GALNT13: variants seen among roughly 807,000 people sequenced by gnomAD.
GALNT13 encodes UDP-GalNAc:polypeptide N-acetylgalactosaminyltransferase 13.
A neutral mutation model predicts 64.2 loss-of-function variants in GALNT13; 28 were observed. The ratio of observed to expected loss-of-function variants is 0.44; its 90% CI spans 0.32 to 0.60. The LOEUF (loss-of-function observed/expected upper bound fraction) is 0.60, where lower values mean the gene tolerates loss of function less well. GALNT13 is among the 20% of genes least tolerant of loss of function. GALNT13 has a pLI of 0.05. For synonymous variants in GALNT13, 214 were observed against 224.6 expected (o/e 0.95, Z 0.42); for missense variants, 577 against 669.8 (o/e 0.86, Z 1.53).
the GALNT13 span, among the ~76,000 whole-genome samples, chr2:153,268,112 A>G: frequency 6.6e-6 from 1 of 152,174 alleles, no homozygotes; most frequent in Non-Finnish European, 1.5e-5. Context: ...TCATTCCAGC[A>G]TTACCCAAAA....
chr2:153,686,390 T>G, the GALNT13 span, among the ~76,000 whole-genome samples: 1 of 152,038 alleles, frequency 6.6e-6, no homozygotes, highest in African/African-American at 2.4e-5. Flanking sequence ...TCCTAGGTAT[T>G]TTATTATTTT....
the GALNT13 span, among the ~76,000 whole-genome samples, chr2:153,783,787 C>A: frequency 3.5e-4 from 54 of 152,262 alleles, no homozygotes; most frequent in African/African-American, 1.0e-3. Context: ...CATTCTTCTC[C>A]TTGCTGCCAC....
chr2:153,236,378 C>T, the GALNT13 span, among the ~76,000 whole-genome samples: 1 of 152,068 alleles, frequency 6.6e-6, no homozygotes, highest in Admixed American at 6.6e-5. Flanking sequence ...GAAAAAGAGG[C>T]CATCTAGGAC....
At chr2:153,223,100 C>A in the GALNT13 span, among the ~76,000 whole-genome samples, 3 of 152,136 alleles carry the variant, frequency 2.0e-5, no homozygotes, top group South Asian at 2.1e-4. Flanking sequence ...ATGATGATAA[C>A]GAGAAAAATT....
At chr2:153,172,447 A>G in the GALNT13 span, among the ~76,000 whole-genome samples, 2 of 152,240 alleles carry the variant, frequency 1.3e-5, no homozygotes, top group East Asian at 3.9e-4. Context: ...GGACTTTTGG[A>G]CAGACTACTT....
chr2:153,145,237 A>C, the GALNT13 span, among the ~76,000 whole-genome samples: 1 of 151,944 alleles, frequency 6.6e-6, no homozygotes. Context: ...GTAGGATGCA[A>C]TAGTTCATAT....
chr2:153,223,691 A>G, the GALNT13 span, among the ~76,000 whole-genome samples: 1 of 152,222 alleles, frequency 6.6e-6, no homozygotes, highest in Non-Finnish European at 1.5e-5. Flanking sequence ...GGGCAGGCAC[A>G]GTGGCTCATG....
chr2:153,711,067 G>A, the GALNT13 span, among the ~76,000 whole-genome samples: 15 of 151,970 alleles, frequency 9.9e-5, no homozygotes, highest in Admixed American at 8.5e-4. Context: ...CCCTTTCTCT[G>A]AGCCTTGCCA....
intron 3 of GALNT13, among the ~76,000 whole-genome samples, chr2:154,121,343 C>G (rs1437995099): frequency 6.6e-6 from 1 of 152,034 alleles, no homozygotes; most frequent in Non-Finnish European, 1.5e-5. Flanking sequence ...TCTTTTGTAT[C>G]AGTATTAATG....
chr2:153,357,185 G>A, the GALNT13 span: 1 of 152,064 alleles, frequency 6.6e-6, no homozygotes, highest in African/African-American at 2.4e-5. Context: ...TATCTCTGCT[G>A]TGTTAGAATT....
the GALNT13 span, among the ~76,000 whole-genome samples, chr2:153,848,738 C>A: frequency 3.3e-5 from 5 of 151,684 alleles, no homozygotes; most frequent in Non-Finnish European, 7.4e-5. Context: ...TTTAAAAAAT[C>A]TTAATATGGA....
intron 4 of GALNT13, among the ~76,000 whole-genome samples, chr2:154,171,971 TACACACACACACACAC>T (rs57343446): frequency 4.2e-5 from 6 of 144,218 alleles, no homozygotes; most frequent in African/African-American, 1.3e-4. Context: ...TTCTTTCTCA[TACACACACACACACAC>T]ACACACACAC....
the GALNT13 span, among the ~76,000 whole-genome samples, chr2:153,106,055 C>A: frequency 2.9e-4 from 44 of 151,970 alleles, 1 homozygote; most frequent in African/African-American, 1.0e-3. Flanking sequence ...TTGTGCACAC[C>A]CGAGTGATGC....
chr2:154,224,737 TCA>T (rs1688497447), intron 4 of GALNT13, among the ~76,000 whole-genome samples: 1 of 152,094 alleles, frequency 6.6e-6, no homozygotes, highest in Non-Finnish European at 1.5e-5. Context: ...GACACAAATC[TCA>T]CATCAGAAGA....
the GALNT13 span, among the ~76,000 whole-genome samples, chr2:153,444,880 C>T: frequency 7.9e-5 from 12 of 152,218 alleles, no homozygotes; most frequent in South Asian, 1.0e-3. Flanking sequence ...GTTTCACATA[C>T]AAGTCTTGTG....
At chr2:153,691,611 G>T in the GALNT13 span, among the ~76,000 whole-genome samples, 2 of 151,842 alleles carry the variant, frequency 1.3e-5, no homozygotes, top group African/African-American at 4.8e-5. Flanking sequence ...GCCACTTAAT[G>T]AAAAAATTAG....
At chr2:153,453,869 G>C in the GALNT13 span, among the ~76,000 whole-genome samples, 1 of 152,152 alleles carries the variant, frequency 6.6e-6, no homozygotes, top group African/African-American at 2.4e-5. Context: ...ACCAGAGTAG[G>C]TGCCCATCAA....
the GALNT13 span, among the ~76,000 whole-genome samples, chr2:153,728,393 C>G: frequency 6.6e-6 from 1 of 152,142 alleles, no homozygotes; most frequent in Non-Finnish European, 1.5e-5. Flanking sequence ...TCTCAACATC[C>G]TCTCCAGCAT....
chr2:153,678,089 C>G, the GALNT13 span, among the ~76,000 whole-genome samples: 1 of 150,768 alleles, frequency 6.6e-6, no homozygotes, highest in Admixed American at 6.6e-5. Flanking sequence ...AAAAGAAACT[C>G]TCAACACAGT....
Sources: gnomAD v4.1 joint callset for allele counts (sites outside exome capture counted in the v4.1 genomes callset) on GRCh38, gnomAD v4.1.1 for gene constraint, MANE v1.5 for transcripts, NCBI Gene and HGNC (gene_info 2026-07-23, HGNC 2026-07-21) for gene names.